Variants in TMEM178B observed in about 807,000 individuals in gnomAD.
The protein encoded by TMEM178B is transmembrane protein 178B.
Under a neutral mutation model 31.0 loss-of-function variants are expected in TMEM178B, and 5 were observed. The ratio of observed to expected loss-of-function variants is 0.16; its 90% CI spans 0.08 to 0.34. TMEM178B has a LOEUF of 0.34. Ranked by LOEUF, TMEM178B falls within the 10% of genes least tolerant of loss-of-function variation. The probability of loss-of-function intolerance (pLI) is 1.00; values close to 1 mark genes in which losing one functional copy is unlikely to be tolerated. For missense variants in TMEM178B, 275 were observed against 400.3 expected (o/e 0.69, Z 2.67); for synonymous variants, 164 against 164.0 (o/e 1.00, Z 0.00).
intron 1 of TMEM178B, among the ~76,000 whole-genome samples, chr7:141,093,993 G>T (rs1461409209): frequency 6.6e-6 from 1 of 152,206 alleles, no homozygotes; most frequent in Non-Finnish European, 1.5e-5. Context: ...TAACTGGACT[G>T]AGAAAGTTAG....
Position 141,101,566 on chromosome 7 carries a change from C to T in TMEM178B, c.382+26874C>T, listed in dbSNP as rs554788334. Among the ~76,000 whole-genome samples, 5 of 152,326 alleles carry T rather than the reference C, an allele frequency of 3.3e-5. No individual in the cohort carries two copies. The South Asian group carries it at 1.0e-3, about 32-fold the overall frequency. ...GGAAGCTGCCATAATGGTAATAATC[C>T]TGAAACAAACATGTCTCATGATGCA... On this transcript the variant is annotated intron_variant, in intron 1 of 3. Transcript: ENST00000565468.
chr7:141,262,498 TA>T (rs1798030120), intron 2 of TMEM178B, among the ~76,000 whole-genome samples: 1 of 143,216 alleles, frequency 7.0e-6, no homozygotes, highest in Non-Finnish European at 1.5e-5. Flanking sequence ...TATATATATA[TA>T]TATATCCCTC....
At chr7:141,298,119 A>ATT (rs1457110432) in intron 2 of TMEM178B, among the ~76,000 whole-genome samples, 1 of 152,024 alleles carries the variant, frequency 6.6e-6, no homozygotes, top group African/African-American at 2.4e-5. Context: ...GATGATGAGC[A>ATT]TTTTTTCATG....
At chr7:141,131,849 G>A (rs1156559012) in intron 1 of TMEM178B, among the ~76,000 whole-genome samples, 1 of 152,112 alleles carries the variant, frequency 6.6e-6, no homozygotes, top group Non-Finnish European at 1.5e-5. Flanking sequence ...GCATGTTTTA[G>A]CTTTATAAGA....
intron 2 of TMEM178B, among the ~76,000 whole-genome samples, chr7:141,266,011 C>A (rs1798089739): frequency 1.3e-5 from 2 of 152,190 alleles, no homozygotes; most frequent in Admixed American, 1.3e-4. Context: ...GTGAGCTTGT[C>A]CTGAGTGTGG....
At position 141,472,821 on chromosome 7, in the gene TMEM178B, A is replaced by C. The variant is rs954816416; in HGVS notation, c.*2035A>C. On this transcript the variant is annotated 3_prime_UTR_variant, in exon 4 of 4. Transcript: ENST00000565468. ...TGTATGTAATTCATATCTGGATATG[A>C]TATGACATCTGATGTGCATGAATGG... is the stretch of plus-strand genomic sequence containing the variant. 33 of 152,188 alleles carry C rather than the reference A, an allele frequency of 2.2e-4. No individual in the cohort carries two copies. The highest frequency in any genetic ancestry group is 7.5e-4 in the African/African-American group (31 of 41,426). The allele number at this position is 152,188 out of a possible 1,614,324, so 9.4% of individuals were successfully genotyped here. A position where few individuals can be genotyped will look rare whatever the true frequency, so the allele number is the denominator to read the frequency against.
chr7:141,183,253 C>G (rs971375416), intron 1 of TMEM178B, among the ~76,000 whole-genome samples: 1 of 152,152 alleles, frequency 6.6e-6, no homozygotes, highest in Non-Finnish European at 1.5e-5. Flanking sequence ...TGGGAGGGAA[C>G]AGCTTGTGAT....
intron 1 of TMEM178B, among the ~76,000 whole-genome samples, chr7:141,105,062 G>A (rs1199168234): frequency 1.3e-5 from 2 of 152,158 alleles, no homozygotes; most frequent in Admixed American, 1.3e-4. Flanking sequence ...ACCCCAGGGT[G>A]GCCTTTCATC....
At chr7:141,118,459 G>T (rs1795356110) in intron 1 of TMEM178B, among the ~76,000 whole-genome samples, 4 of 152,364 alleles carry the variant, frequency 2.6e-5, no homozygotes, top group African/African-American at 7.2e-5. Context: ...TGCCTAGTTT[G>T]CAGGATGAAA....
Position 141,166,740 on chromosome 7 carries a change from T to G in TMEM178B, c.383-45851T>G, listed in dbSNP as rs1472862079. Reference sequence around the variant, plus strand: ...CCAAGAACTTGATCACTGCCAAGTCTTGCCTTTGGGTTTTTAGTTTTGAAA... The same window carrying G: ...CCAAGAACTTGATCACTGCCAAGTCGTGCCTTTGGGTTTTTAGTTTTGAAA... On this transcript the variant is annotated intron_variant, in intron 1 of 3. Transcript: ENST00000565468. Among the ~76,000 whole-genome samples, 4 of 152,318 alleles carry G rather than the reference T, an allele frequency of 2.6e-5. No individual in the cohort carries two copies. In the East Asian group the frequency reaches 7.7e-4, roughly 29 times the overall value.
At chr7:141,437,936 A>G (rs968661792) in intron 3 of TMEM178B, among the ~76,000 whole-genome samples, 191 bp downstream of exon 3, 2 of 152,200 alleles carry the variant, frequency 1.3e-5, no homozygotes, top group African/African-American at 4.8e-5. Flanking sequence ...TGTTGGGGAT[A>G]CAAAGGAAAA....
intron 2 of TMEM178B, among the ~76,000 whole-genome samples, chr7:141,390,750 A>G (rs891854942): frequency 1.4e-4 from 21 of 152,038 alleles, no homozygotes; most frequent in Non-Finnish European, 2.4e-4. Context: ...TTTACTCAGA[A>G]CCTTTCTAAT....
intron 2 of TMEM178B, among the ~76,000 whole-genome samples, chr7:141,221,231 GC>G (rs1797252277): frequency 6.6e-6 from 1 of 152,220 alleles, no homozygotes; most frequent in South Asian, 2.1e-4. Flanking sequence ...AGTTCCAGGT[GC>G]TGAAAAGGGA....
At chr7:141,089,393 C>T (rs1020467969) in intron 1 of TMEM178B, among the ~76,000 whole-genome samples, 39 of 152,304 alleles carry the variant, frequency 2.6e-4, no homozygotes, top group African/African-American at 8.9e-4. Context: ...TAAATAGGAA[C>T]ACTTTTACAC....
chr7:141,114,225 T>C (rs1795280792), intron 1 of TMEM178B, among the ~76,000 whole-genome samples: 1 of 152,252 alleles, frequency 6.6e-6, no homozygotes, highest in African/African-American at 2.4e-5. Flanking sequence ...ACATCCTCTT[T>C]GTCCATCTTG....
chr7:141,306,745 A>T (rs1034654708), intron 2 of TMEM178B, among the ~76,000 whole-genome samples: 1 of 152,068 alleles, frequency 6.6e-6, no homozygotes, highest in East Asian at 1.9e-4. Context: ...TCTGTTTAAA[A>T]AACCACAGTG....
At chr7:141,153,961 C>A (rs1298087825) in intron 1 of TMEM178B, among the ~76,000 whole-genome samples, 5 of 152,102 alleles carry the variant, frequency 3.3e-5, no homozygotes, top group African/African-American at 1.2e-4. Flanking sequence ...GATATAGACA[C>A]CTTCATTTAA....
chr7:141,322,664 C>T lies in TMEM178B; in HGVS notation c.496+109960C>T, dbSNP rs527385010. On this transcript the variant is annotated intron_variant, in intron 2 of 3. Transcript: ENST00000565468. ...GGACAGGGGATATTCAAGGCTGGGA[C>T]GTGTCGAGAACAAAGGCTTGGAGGT... Among the ~76,000 whole-genome samples the T allele has an allele frequency of 4.6e-5, 7 of 152,288 alleles. No individual in the cohort carries two copies. The East Asian group carries it at 1.2e-3, about 25-fold the overall frequency.
intron 2 of TMEM178B, among the ~76,000 whole-genome samples, chr7:141,325,464 T>TC (rs917438443): frequency 2.0e-5 from 3 of 152,190 alleles, no homozygotes; most frequent in African/African-American, 7.2e-5. Context: ...TCTCCCACTG[T>TC]CCCCCAGGGA....
Sources: allele counts gnomAD v4.1 joint callset (sites outside exome capture counted in the v4.1 genomes callset), GRCh38; gene constraint gnomAD v4.1.1; transcripts MANE v1.5; gene names NCBI Gene and HGNC (gene_info 2026-07-23, HGNC 2026-07-21).